Variants in LAX1 observed in about 807,000 individuals in gnomAD.
LAX1 encodes the protein lymphocyte transmembrane adaptor 1.
A neutral mutation model predicts 20.7 loss-of-function variants in LAX1; 17 were observed. The observed-to-expected ratio is 0.82, with a 90% CI of 0.56 to 1.23. LAX1 has a LOEUF of 1.23. LAX1 is among the 50% of genes most tolerant of loss of function. The pLI, the probability that LAX1 is intolerant of heterozygous loss-of-function variation, is 0.00. For missense variants in LAX1, 470 were observed against 487.0 expected (o/e 0.97, Z 0.33); for synonymous variants, 165 against 181.0 (o/e 0.91, Z 0.71).
intron 4 of LAX1, 90 bp from the exon 5 acceptor site, chr1:203,773,775 TTTTTTTTTTC>T (rs1667459929): frequency 3.6e-6 from 1 of 278,660 alleles, no homozygotes; most frequent in South Asian, 9.5e-5. Flanking sequence ...TTTTTTTTTT[TTTTTTTTTTC>T]AGAATATGCC....
chr1:203,776,084 G>C lies in LAX1; in HGVS notation c.*1403G>C, dbSNP rs778571977. ...CGTAATCCCAGCACTTTGCGGGGCC[G>C]AGGCAGGGGAACACAAGGTCAGGAG... On this transcript the variant is annotated 3_prime_UTR_variant, in exon 5 of 5. Coordinates refer to ENST00000442561, the MANE Select transcript of LAX1 (RefSeq NM_017773.4). 2 of 152,226 alleles carry C rather than the reference G, an allele frequency of 1.3e-5. No homozygotes were observed. Among genetic ancestry groups the C allele is most frequent in the Admixed American group, 6.6e-5 (1 of 15,260 alleles). 9.4% of individuals were successfully genotyped at this position (152,226 alleles called of 1,614,324 possible).
At position 203,765,639 on chromosome 1, in the gene LAX1, C is replaced by T. The variant is rs866329231; in HGVS notation, c.74C>T (p.Pro25Leu). The T allele has an allele frequency of 6.2e-7, 1 of 1,614,044 alleles. No homozygotes were observed. The highest frequency in any genetic ancestry group is 8.5e-7 in the Non-Finnish European group (1 of 1,179,998). Residue 25 changes from proline (P) to leucine (L), a missense_variant, in exon 1 of 5, where the codon CCC becomes CTC. Transcript: ENST00000442561. ...GAGTCCAGCACTCTGCATGTGACTC[C>T]CCGCAGCCTGGACAGGTGAGTGACT... ...TLESSTLHVTPRSLDRNKDQI... is the reference protein window; with the variant it reads ...TLESSTLHVTLRSLDRNKDQI...
chr1:203,770,795 C>A, intron 1 of LAX1, 33 bp from the exon 2 acceptor site: 1 of 1,545,810 alleles, frequency 6.5e-7, no homozygotes, highest in Non-Finnish European at 8.9e-7. Context: ...CACCCTCCTA[C>A]AGCTAGCACA....
rs1558073115 is a variant in LAX1 at position 203,774,552 on chromosome 1, C to G, written c.1068C>G (p.Asp356Glu). The G allele has an allele frequency of 6.2e-7, 1 of 1,614,140 alleles. No homozygotes were observed. The highest frequency in any genetic ancestry group is 8.5e-7 in the Non-Finnish European group (1 of 1,180,002). The change falls in exon 5 of 5, where the codon GAC becomes GAG. Residue 356 changes from aspartate (D) to glutamate (E), a missense_variant. Physicochemically the swap from Asp to Glu is conservative, Grantham distance 45. Transcript: ENST00000442561. Reference sequence around the variant, plus strand: ...TTCAGCCATTCACACAGAGTGAGGACAGTCAGATGAAACATAGAGAAGAGA... The same window carrying G: ...TTCAGCCATTCACACAGAGTGAGGAGAGTCAGATGAAACATAGAGAAGAGA... ...ADFQPFTQSE[D>E]SQMKHREEMS...
rs1385430744 is a variant in LAX1, at chr1:203,772,099, C to T, written c.342C>T (p.Phe114=). ...GRHESRSMRI[F]STESLLSRNS... is the part of the protein sequence containing the mutation. ...ATGAGTCGAGGAGTATGCGCATTTT[C>T]AGTACTGAGAGCCTCCTCTCCAGAA... Residue 114 remains phenylalanine, a synonymous_variant, in exon 4 of 5, where the codon TTC becomes TTT. Coordinates refer to ENST00000442561, the MANE Select transcript of LAX1 (RefSeq NM_017773.4). 2 of 1,614,050 alleles carry T rather than the reference C, an allele frequency of 1.2e-6. No homozygotes were observed. Among genetic ancestry groups the T allele is most frequent in the East Asian group, 2.2e-5 (1 of 44,872 alleles).
rs894997340 is a variant in LAX1 at position 203,765,345 on chromosome 1, G to T, written c.-221G>T. On this transcript the variant is annotated 5_prime_UTR_variant, in exon 1 of 5. The change abolishes an upstream ATG in the 5' untranslated region. Coordinates refer to ENST00000442561, the MANE Select transcript of LAX1 (RefSeq NM_017773.4). ...TCACTTGGAAGCACCATGTCCGGAT[G>T]AGATCGCACTTCCTGCAGTGGGCAT... The T allele has an allele frequency of 6.4e-7, 1 of 1,551,690 alleles. No homozygotes were observed. Among genetic ancestry groups the T allele is most frequent in the African/African-American group, 1.4e-5 (1 of 73,162 alleles).
chr1:203,774,707 C>T lies in LAX1; in HGVS notation c.*26C>T. ...AGACCCAGGTACCCAGCCATAAAGC[C>T]ACATTGAGTAGTCTATCCCATAGGA... On this transcript the variant is annotated 3_prime_UTR_variant, in exon 5 of 5. Transcript: ENST00000442561. 4 of 1,592,734 alleles carry T rather than the reference C, an allele frequency of 2.5e-6. No individual in the cohort carries two copies. Among genetic ancestry groups the T allele is most frequent in the Non-Finnish European group, 3.4e-6 (4 of 1,165,012 alleles).
Position 203,765,331 on chromosome 1 carries a change from C to A in LAX1, c.-235C>A, listed in dbSNP as rs1346741201. The A allele has an allele frequency of 5.2e-6, 8 of 1,551,408 alleles. No homozygotes were observed. The South Asian group carries it at 7.1e-5, about 14-fold the overall frequency. On this transcript the variant is annotated 5_prime_UTR_variant, in exon 1 of 5. Coordinates refer to ENST00000442561, the MANE Select transcript of LAX1 (RefSeq NM_017773.4). The stretch of plus-strand genomic sequence containing the variant: ...CTCCCTGAGCCACCTCACTTGGAAG[C>A]ACCATGTCCGGATGAGATCGCACTT...
chr1:203,775,454 A>C lies in LAX1; in HGVS notation c.*773A>C, dbSNP rs1313883159. ...CAAATGTAGGTAAGGATGAAGAAGA[A>C]CAGGAACTCTCACTGGTGGCTGATG... On this transcript the variant is annotated 3_prime_UTR_variant, in exon 5 of 5. Coordinates refer to ENST00000442561, the MANE Select transcript of LAX1 (RefSeq NM_017773.4). 3 of 152,212 alleles carry C rather than the reference A, an allele frequency of 2.0e-5. 1 individual carries two copies. The highest frequency in any genetic ancestry group is 2.0e-4 in the Admixed American group (3 of 15,284). 9.4% of individuals were successfully genotyped at this position (152,212 alleles called of 1,614,324 possible). A position where few individuals can be genotyped will look rare whatever the true frequency, so the allele number is the denominator to read the frequency against.
At chr1:203,765,794 C>A (rs1027656505) in intron 1 of LAX1, 140 bp downstream of exon 1, 8 of 766,578 alleles carry the variant, frequency 1.0e-5, no homozygotes, top group African/African-American at 1.0e-4. Flanking sequence ...AAACTCTAGG[C>A]TTGGAGGCAT....
In LAX1 at chr1:203,765,603, G is replaced by C; in HGVS notation, c.38G>C (p.Gly13Ala). 1.9e-6 allele frequency: 3 copies of C among 1,614,132 alleles called. No homozygotes were observed. The highest frequency in any genetic ancestry group is 2.5e-6 in the Non-Finnish European group (3 of 1,180,024). Residue 13 changes from glycine (G) to alanine (A), a missense_variant, in exon 1 of 5, where the codon GGG (glycine) becomes GCG (alanine). By Grantham distance (60) the Gly-to-Ala change is moderately conservative. Transcript: ENST00000442561. Reference sequence around the variant, plus strand: ...ACTCCAACCCTTTCGACAATCAGAGGGAGGACCTTGGAGTCCAGCACTCTG... The same window carrying C: ...ACTCCAACCCTTTCGACAATCAGAGCGAGGACCTTGGAGTCCAGCACTCTG... ...GVTPTLSTIR[G>A]RTLESSTLHV... is the part of the protein sequence containing the mutation.
At chr1:203,768,919 T>G (rs1156471675) in intron 1 of LAX1, among the ~76,000 whole-genome samples, 2 of 152,130 alleles carry the variant, frequency 1.3e-5, no homozygotes, top group Non-Finnish European at 2.9e-5. Flanking sequence ...CAGAATCTGC[T>G]GGTTGACTGG....
At chr1:203,772,839 C>T (rs181751764) in intron 4 of LAX1, among the ~76,000 whole-genome samples, 29 of 151,862 alleles carry the variant, frequency 1.9e-4, no homozygotes, top group Non-Finnish European at 4.0e-4. Flanking sequence ...CCACGCCTGG[C>T]TAACTTTCAT....
intron 1 of LAX1, among the ~76,000 whole-genome samples, chr1:203,769,263 G>A (rs1446576793): frequency 1.3e-5 from 2 of 151,668 alleles, no homozygotes; most frequent in African/African-American, 4.8e-5. Flanking sequence ...GTGGTGGCGT[G>A]TGTCTATAGT....
rs1264635338 is a variant in LAX1, at chr1:203,774,145, A to G, written c.661A>G (p.Ser221Gly). The change falls in exon 5 of 5, where the codon AGT (serine) becomes GGT (glycine). Residue 221 changes from serine (S) to glycine (G), a missense_variant. Ser to Gly is a moderately conservative substitution (Grantham distance 56). Transcript: ENST00000442561. ...TTCCAGAAATCTCTTTGTTCTTCCC[A>G]GTACCCAGAAGCTGGAGTTTACTGA... ...SPSRNLFVLP[S>G]TQKLEFTEER... is the part of the protein sequence containing the mutation. The G allele has an allele frequency of 2.5e-6, 4 of 1,614,066 alleles. No individual in the cohort carries two copies. Among genetic ancestry groups the G allele is most frequent in the Non-Finnish European group, 3.4e-6 (4 of 1,180,044 alleles).
At position 203,773,966 on chromosome 1, in the gene LAX1, C is replaced by G; in HGVS notation, c.482C>G (p.Pro161Arg). Residue 161 changes from proline (P) to arginine (R), a missense_variant, in exon 5 of 5, where the codon CCC (proline) becomes CGC (arginine). By Grantham distance (103) the Pro-to-Arg change is moderately radical (BLOSUM62 -2). Transcript: ENST00000442561. ...AVGIYDNAMV[P>R]QMCGNLTPSA... ...GGTATCTATGACAACGCCATGGTCCCCCAGATGTGTGGGAACCTCACTCCC... is the reference window on the plus strand; with the variant it reads ...GGTATCTATGACAACGCCATGGTCCGCCAGATGTGTGGGAACCTCACTCCC... The G allele has an allele frequency of 7.4e-6, 12 of 1,613,928 alleles. No individual in the cohort carries two copies. Among genetic ancestry groups the G allele is most frequent in the Non-Finnish European group, 1.0e-5 (12 of 1,179,974 alleles).
In LAX1 at chr1:203,765,462, T is replaced by TAA. The variant is rs1667289278; in HGVS notation, c.-104_-103insAA. 1 of 1,564,632 alleles carries TAA rather than the reference T, an allele frequency of 6.4e-7. No homozygotes were observed. Among genetic ancestry groups the TAA allele is most frequent in the Non-Finnish European group, 8.7e-7 (1 of 1,152,690 alleles). ...AGAGGTAGACACGAGATAGGGAGTT[T>TAA]GTTGCGGGGGTGGGGAGAAGTGGTA... On this transcript the variant is annotated 5_prime_UTR_variant, in exon 1 of 5. Transcript: ENST00000442561.
Position 203,772,083 on chromosome 1 carries a change from G to A in LAX1, c.326G>A (p.Arg109Lys). The A allele has an allele frequency of 6.2e-7, 1 of 1,613,952 alleles. No individual in the cohort carries two copies. Among genetic ancestry groups the A allele is most frequent in the South Asian group, 1.1e-5 (1 of 91,074 alleles). ...GTCCTTTCAGGGAGACATGAGTCGA[G>A]GAGTATGCGCATTTTCAGTACTGAG... ...RQEDLGRHES[R>K]SMRIFSTESL... The change falls in exon 4 of 5, where the codon AGG becomes AAG. Residue 109 changes from arginine (R) to lysine (K), a missense_variant. By Grantham distance (26) the Arg-to-Lys change is conservative. Transcript: ENST00000442561.
chr1:203,771,288 G>A, intron 2 of LAX1, 79 bp from the exon 3 acceptor site: 1 of 892,086 alleles, frequency 1.1e-6, no homozygotes, highest in Admixed American at 1.7e-5. Flanking sequence ...ATTTTCAGGG[G>A]CCATCTCATT....
Sources: gnomAD v4.1 joint callset for allele counts (sites outside exome capture counted in the v4.1 genomes callset) on GRCh38, gnomAD v4.1.1 for gene constraint, MANE v1.5 for transcripts, NCBI Gene and HGNC (gene_info 2026-07-23, HGNC 2026-07-21) for gene names.